The following PTPRD variants were observed in gnomAD, a reference collection of about 807,000 sequenced individuals.
PTPRD encodes receptor-type tyrosine-protein phosphatase delta.
A neutral mutation model predicts 214.5 loss-of-function variants in PTPRD; 34 were observed. The ratio of observed to expected loss-of-function variants is 0.16; its 90% CI spans 0.12 to 0.21. The LOEUF (loss-of-function observed/expected upper bound fraction) is 0.21, where lower values mean the gene tolerates loss of function less well. Among genes scored for constraint, PTPRD ranks in the 10% least tolerant of loss-of-function variants. The pLI, the probability that PTPRD is intolerant of heterozygous loss-of-function variation, is 1.00. For synonymous variants in PTPRD, 1,128 were observed against 845.7 expected (o/e 1.33, Z -5.79); for missense variants, 2,545 against 2,398.7 (o/e 1.06, Z -1.27).
intron 3 of PTPRD, among the ~76,000 whole-genome samples, chr9:10,309,492 A>G (rs967071120): frequency 6.7e-6 from 1 of 149,760 alleles, no homozygotes; most frequent in Non-Finnish European, 1.5e-5. Context: ...AGCTCGGACT[A>G]CAGGCATGCA....
intron 7 of PTPRD, among the ~76,000 whole-genome samples, chr9:9,684,822 T>C (rs1266579393): frequency 6.6e-6 from 1 of 151,572 alleles, no homozygotes. Context: ...ATGATTACAG[T>C]CAAGGAATTT....
At chr9:10,239,601 A>C (rs2099640363) in intron 3 of PTPRD, among the ~76,000 whole-genome samples, 1 of 114,900 alleles carries the variant, frequency 8.7e-6, no homozygotes, top group South Asian at 3.1e-4. Flanking sequence ...GGTTGATAAC[A>C]GCTGTGATAG....
intron 11 of PTPRD, among the ~76,000 whole-genome samples, chr9:8,949,339 T>C (rs1161728207): frequency 6.6e-6 from 1 of 152,162 alleles, no homozygotes; most frequent in African/African-American, 2.4e-5. Flanking sequence ...TGTCTTATTA[T>C]TTTTAAAGAC....
At chr9:9,021,460 T>C (rs2099569303) in intron 10 of PTPRD, among the ~76,000 whole-genome samples, 1 of 152,214 alleles carries the variant, frequency 6.6e-6, no homozygotes, top group Non-Finnish European at 1.5e-5. Context: ...GTATTAATAC[T>C]TGATAATCAA....
chr9:9,152,102 C>T (rs1353874221), intron 10 of PTPRD, among the ~76,000 whole-genome samples: 4 of 152,160 alleles, frequency 2.6e-5, no homozygotes, highest in Non-Finnish European at 4.4e-5. Flanking sequence ...TCTTCTGTGT[C>T]ATTGCATTGG....
intron 8 of PTPRD, among the ~76,000 whole-genome samples, chr9:9,569,035 T>C (rs115335333): frequency 6.6e-6 from 1 of 151,694 alleles, no homozygotes; most frequent in Non-Finnish European, 1.5e-5. Context: ...GTTGAGAAAA[T>C]GCACTATGCC....
intron 5 of PTPRD, among the ~76,000 whole-genome samples, chr9:9,878,787 A>G (rs1327777132): frequency 1.3e-5 from 2 of 152,172 alleles, no homozygotes; most frequent in Admixed American, 1.3e-4. Context: ...TCTTCTAATA[A>G]TACATGGCTT....
intron 3 of PTPRD, among the ~76,000 whole-genome samples, chr9:10,058,014 T>C (rs766621761): frequency 1.3e-4 from 20 of 152,044 alleles, no homozygotes; most frequent in Non-Finnish European, 2.6e-4. Context: ...TGCATTTTGT[T>C]AAAGGAGAGT....
At chr9:9,041,614 G>A (rs564768436) in intron 10 of PTPRD, among the ~76,000 whole-genome samples, 5 of 152,208 alleles carry the variant, frequency 3.3e-5, no homozygotes, top group African/African-American at 9.6e-5. Flanking sequence ...CTTTAATAAG[G>A]AAACAGAACT....
intron 2 of PTPRD, among the ~76,000 whole-genome samples, chr9:10,556,395 CAG>C (rs1276486419): frequency 1.3e-5 from 2 of 151,784 alleles, no homozygotes; most frequent in African/African-American, 4.8e-5. Context: ...ATTATGAAAA[CAG>C]TGTTTTTCCA....
At chr9:10,300,081 T>C (rs150069139) in intron 3 of PTPRD, among the ~76,000 whole-genome samples, 132 of 152,340 alleles carry the variant, frequency 8.7e-4, no homozygotes, top group African/African-American at 3.0e-3. Context: ...CAATTCTAAA[T>C]GTTACCATTC....
At chr9:8,368,712 A>ACTATTTTGG (rs1353882112) in intron 39 of PTPRD, among the ~76,000 whole-genome samples, 2 of 145,186 alleles carry the variant, frequency 1.4e-5, no homozygotes, top group African/African-American at 5.3e-5. Flanking sequence ...TTACTTTTAA[A>ACTATTTTGG]CTATTTTGGC....
intron 3 of PTPRD, among the ~76,000 whole-genome samples, chr9:10,125,379 T>C (rs2098808228): frequency 6.7e-6 from 1 of 149,390 alleles, no homozygotes. Context: ...TCTTTTCGTT[T>C]TTATCTTCTT....
intron 7 of PTPRD, among the ~76,000 whole-genome samples, chr9:9,674,509 T>C (rs2096892486): frequency 6.6e-6 from 1 of 151,772 alleles, no homozygotes; most frequent in Non-Finnish European, 1.5e-5. Context: ...ATAAACCAGC[T>C]GAAAGACAAG....
chr9:9,630,019 C>A (rs1277081415), intron 7 of PTPRD, among the ~76,000 whole-genome samples: 1 of 152,108 alleles, frequency 6.6e-6, no homozygotes. Context: ...AAGATTGGTG[C>A]CCTGTGTATC....
intron 4 of PTPRD, among the ~76,000 whole-genome samples, chr9:9,990,151 C>G (rs576991663): frequency 7.2e-5 from 11 of 152,290 alleles, no homozygotes; most frequent in South Asian, 6.2e-4. Flanking sequence ...TTCAGTTTCC[C>G]TTCACAGAGG....
chr9:9,666,741 C>G (rs1174275338), intron 7 of PTPRD, among the ~76,000 whole-genome samples: 2 of 151,960 alleles, frequency 1.3e-5, no homozygotes, highest in African/African-American at 4.8e-5. Context: ...CATTCCCCTT[C>G]AATGAGTTCC....
At chr9:10,134,667 T>C (rs1050740559) in intron 3 of PTPRD, among the ~76,000 whole-genome samples, 4 of 151,920 alleles carry the variant, frequency 2.6e-5, no homozygotes, top group Non-Finnish European at 5.9e-5. Context: ...ATATTCAACT[T>C]ACACCACAGT....
chr9:8,548,101 T>C (rs551466881), intron 14 of PTPRD, among the ~76,000 whole-genome samples: 3 of 152,150 alleles, frequency 2.0e-5, no homozygotes, highest in Non-Finnish European at 4.4e-5. Flanking sequence ...TCTAAGAGCA[T>C]GAATATAATT....
Sources: gnomAD v4.1 joint callset for allele counts (sites outside exome capture counted in the v4.1 genomes callset) on GRCh38, gnomAD v4.1.1 for gene constraint, MANE v1.5 for transcripts, NCBI Gene and HGNC (gene_info 2026-07-23, HGNC 2026-07-21) for gene names.